The following TXNDC11 variants were observed in gnomAD, a reference collection of about 807,000 sequenced individuals.
The protein encoded by TXNDC11 is thioredoxin domain containing 11.
TXNDC11 carries 68 observed loss-of-function variants against 78.0 expected under a neutral mutation model. The ratio of observed to expected loss-of-function variants is 0.87; its 90% CI spans 0.72 to 1.07. The LOEUF (loss-of-function observed/expected upper bound fraction) is 1.07, where lower values mean the gene tolerates loss of function less well. TXNDC11 is among the 50% of genes least tolerant of loss of function. The probability of loss-of-function intolerance (pLI) is 0.00; values close to 1 mark genes in which losing one functional copy is unlikely to be tolerated. For synonymous variants in TXNDC11, 571 were observed against 495.2 expected (o/e 1.15, Z -2.03); for missense variants, 1,389 against 1,221.8 (o/e 1.14, Z -2.04).
chr16:11,701,168 G>T (rs1318686455), intron 5 of TXNDC11, among the ~76,000 whole-genome samples: 2 of 114,482 alleles, frequency 1.7e-5, no homozygotes, highest in Middle Eastern at 9.4e-3. Context: ...ATGGAGTCTC[G>T]CTCTGTGGCC....
intron 4 of TXNDC11, among the ~76,000 whole-genome samples, chr16:11,729,959 G>A (rs866321382): frequency 2.4e-4 from 37 of 152,238 alleles, no homozygotes; most frequent in African/African-American, 8.2e-4. Context: ...GCTGGGCGTG[G>A]TGGCACTGCC....
chr16:11,733,132 C>T (rs1241092296), intron 3 of TXNDC11, among the ~76,000 whole-genome samples: 2 of 152,108 alleles, frequency 1.3e-5, no homozygotes, highest in Admixed American at 1.3e-4. Context: ...TGGCAGGCAC[C>T]TGTAATCCCA....
chr16:11,706,352 T>C (rs1269124452), intron 5 of TXNDC11, among the ~76,000 whole-genome samples: 1 of 152,224 alleles, frequency 6.6e-6, no homozygotes, highest in Admixed American at 6.5e-5. Flanking sequence ...AGGGTGCTCC[T>C]TGGCTGCTTG....
chr16:11,725,150 C>T (rs1179951976), intron 4 of TXNDC11, among the ~76,000 whole-genome samples: 1 of 152,132 alleles, frequency 6.6e-6, no homozygotes, highest in East Asian at 1.9e-4. Flanking sequence ...TCATTATTTA[C>T]AAGGGAAGTA....
At chr16:11,720,900 C>T (rs1210787012) in intron 5 of TXNDC11, among the ~76,000 whole-genome samples, 2 of 151,726 alleles carry the variant, frequency 1.3e-5, no homozygotes, top group South Asian at 2.1e-4. Flanking sequence ...TACCACCACA[C>T]GTGCCTAATT....
intron 7 of TXNDC11, among the ~76,000 whole-genome samples, chr16:11,697,335 A>G (rs974734155): frequency 1.3e-5 from 2 of 152,198 alleles, no homozygotes; most frequent in East Asian, 1.9e-4. Flanking sequence ...CCAGTGGTAC[A>G]CTGGCTGTCT....
intron 5 of TXNDC11, among the ~76,000 whole-genome samples, chr16:11,712,287 G>A (rs1318750585): frequency 2.0e-5 from 3 of 152,090 alleles, no homozygotes; most frequent in Non-Finnish European, 4.4e-5. Flanking sequence ...AGGCACAAGT[G>A]GACACACCTG....
At chr16:11,741,310 A>T (rs1165789182) in intron 1 of TXNDC11, among the ~76,000 whole-genome samples, 1 of 152,146 alleles carries the variant, frequency 6.6e-6, no homozygotes, top group Non-Finnish European at 1.5e-5. Context: ...ATCCCAAAAG[A>T]CCCACTGTGG....
At chr16:11,738,986 C>T (rs1254046084) in intron 1 of TXNDC11, among the ~76,000 whole-genome samples, 1 of 151,866 alleles carries the variant, frequency 6.6e-6, no homozygotes, top group Non-Finnish European at 1.5e-5. Flanking sequence ...AAGATCACGC[C>T]ATTGCACTCC....
At position 11,741,283 on chromosome 16, in the gene TXNDC11, A is replaced by G. The variant is rs7192874; in HGVS notation, c.254+1194T>C. On this transcript the variant is annotated intron_variant, in intron 1 of 11. Coordinates refer to ENST00000283033, the MANE Select transcript of TXNDC11 (RefSeq NM_015914.7). ...ATCACAGATATCATAGTAGCAATAC[A>G]GATCTTATAAACTGGAATCCCAAAA... 1.9e-3 allele frequency among the ~76,000 whole-genome samples: 293 copies of G among 152,334 alleles called. 1 individual carries two copies. The highest frequency in any genetic ancestry group is 6.9e-3 in the African/African-American group (286 of 41,576).
At position 11,727,644 on chromosome 16, in the gene TXNDC11, T is replaced by C. The variant is rs2051921642; in HGVS notation, c.699+3001A>G. On this transcript the variant is annotated intron_variant, in intron 4 of 11. Coordinates refer to ENST00000283033, the MANE Select transcript of TXNDC11 (RefSeq NM_015914.7). ...TACTGATGACACTCTAACTCACCCC[T>C]AGCTATAATTTCCACCCGCCCCCCC... 2.0e-5 allele frequency among the ~76,000 whole-genome samples: 3 copies of C among 152,062 alleles called. No homozygotes were observed. In the South Asian group the frequency reaches 6.2e-4, roughly 32 times the overall value.
chr16:11,694,436 A>G (rs1172971338), intron 7 of TXNDC11, among the ~76,000 whole-genome samples: 1 of 151,164 alleles, frequency 6.6e-6, no homozygotes, highest in Non-Finnish European at 1.5e-5. Flanking sequence ...AGCATGAGCC[A>G]CCGCGCCCGA....
At chr16:11,732,349 C>CCCA (rs1173480082) in intron 3 of TXNDC11, among the ~76,000 whole-genome samples, 1 of 152,162 alleles carries the variant, frequency 6.6e-6, no homozygotes, top group African/African-American at 2.4e-5. Context: ...ACTACACCCC[C>CCCA]CCACTAGGCT....
At chr16:11,682,265 T>C (rs2050442282) in intron 11 of TXNDC11, among the ~76,000 whole-genome samples, 1 of 152,238 alleles carries the variant, frequency 6.6e-6, no homozygotes, top group Admixed American at 6.5e-5. Context: ...ACTTCTACCA[T>C]TTATTTTTAG....
Position 11,688,155 on chromosome 16 carries a change from A to C in TXNDC11, c.2043+148T>G, listed in dbSNP as rs530743038. The C allele has an allele frequency of 1.2e-4, 113 of 980,326 alleles. 1 individual carries two copies. In the South Asian group the frequency reaches 1.8e-3, roughly 15 times the overall value. 60.7% of individuals were successfully genotyped at this position (980,326 alleles called of 1,614,324 possible). ...AGCACTTTTCTGAAATTTAAAAACC[A>C]CATGTAATTCATTCACGGTCCATAA... On this transcript the variant is annotated intron_variant, in intron 9 of 11. Transcript: ENST00000283033.
chr16:11,742,855 C>G lies in TXNDC11; in HGVS notation c.-125G>C, dbSNP rs1293747499. Reference sequence around the variant, plus strand: ...GCTAACCCGGACGCTCCACGTCAGCCGCGCCGCCGCCGCGGGGTCCGCCCC... The same window carrying G: ...GCTAACCCGGACGCTCCACGTCAGCGGCGCCGCCGCCGCGGGGTCCGCCCC... On this transcript the variant is annotated 5_prime_UTR_variant, in exon 1 of 12. Transcript: ENST00000283033. 4.7e-6 allele frequency: 6 copies of G among 1,290,100 alleles called. No individual in the cohort carries two copies. The highest frequency in any genetic ancestry group is 5.9e-6 in the Non-Finnish European group (6 of 1,014,928). 79.9% of individuals were successfully genotyped at this position (1,290,100 alleles called of 1,614,324 possible).
intron 5 of TXNDC11, among the ~76,000 whole-genome samples, chr16:11,712,589 G>T (rs1023034112): frequency 1.3e-5 from 2 of 152,022 alleles, no homozygotes; most frequent in African/African-American, 4.8e-5. Flanking sequence ...ATAAGAAATC[G>T]TACTTCTGAT....
chr16:11,736,296 G>T, intron 1 of TXNDC11, 63 bp from the exon 2 acceptor site: 1 of 1,278,716 alleles, frequency 7.8e-7, no homozygotes, highest in Non-Finnish European at 1.1e-6. Context: ...TAGCTCTGTG[G>T]AAGTAGAATG....
intron 5 of TXNDC11, among the ~76,000 whole-genome samples, chr16:11,712,825 C>T (rs1250147554): frequency 1.3e-5 from 2 of 151,602 alleles, no homozygotes; most frequent in Non-Finnish European, 1.5e-5. Flanking sequence ...GAGTGGTGGA[C>T]GCCTGTAATC....
Sources: allele counts gnomAD v4.1 joint callset (sites outside exome capture counted in the v4.1 genomes callset), GRCh38; gene constraint gnomAD v4.1.1; transcripts MANE v1.5; gene names NCBI Gene and HGNC (gene_info 2026-07-23, HGNC 2026-07-21).